Variants in TERF2 observed in about 807,000 individuals in gnomAD.
The protein encoded by TERF2 is telomeric repeat binding factor 2.
TERF2 carries 16 observed loss-of-function variants against 56.1 expected under a neutral mutation model. That is an observed-to-expected ratio of 0.29 (90% CI 0.19 to 0.43). TERF2 has a LOEUF of 0.43. Among genes scored for constraint, TERF2 ranks in the 20% least tolerant of loss-of-function variants. The probability of loss-of-function intolerance (pLI) is 1.00; values close to 1 mark genes in which losing one functional copy is unlikely to be tolerated. For synonymous variants in TERF2, 296 were observed against 282.1 expected (o/e 1.05, Z -0.50); for missense variants, 547 against 712.9 (o/e 0.77, Z 2.65).
At chr16:69,381,110 A>T (rs1174950640) in intron 3 of TERF2, among the ~76,000 whole-genome samples, 1 of 152,156 alleles carries the variant, frequency 6.6e-6, no homozygotes, top group Non-Finnish European at 1.5e-5. Flanking sequence ...CAGCCTAAAA[A>T]ATATTTTTTA....
rs187336718 is a variant in TERF2 at position 69,364,805 on chromosome 16, G to T, written c.1340+2002C>A. 2.8e-3 allele frequency among the ~76,000 whole-genome samples: 429 copies of T among 152,262 alleles called. 2 individuals are homozygous for T. The highest frequency in any genetic ancestry group is 9.9e-3 in the African/African-American group (411 of 41,544). On this transcript the variant is annotated intron_variant, in intron 7 of 9. Coordinates refer to ENST00000254942, the MANE Select transcript of TERF2 (RefSeq NM_005652.5). ...GCTTTTCTTCCCATAAGTGGCCAGG[G>T]CACCTCACACATACTTCTTTAGAGC...
intron 2 of TERF2, 147 bp downstream of exon 2, chr16:69,385,244 C>G: frequency 1.5e-6 from 1 of 673,464 alleles, no homozygotes; most frequent in Non-Finnish European, 2.5e-6. Context: ...GCCAGTCGAG[C>G]CAGAAAACAG....
Position 69,385,612 on chromosome 16 carries a change from C to T in TERF2, c.360G>A (p.Gln120=). ...CCTCACCCTGCATGATGTCCCGGATCTGTCTGAAGTCCCCGTACCGGCTAC... is the reference window on the plus strand; with the variant it reads ...CCTCACCCTGCATGATGTCCCGGATTTGTCTGAAGTCCCCGTACCGGCTAC... The part of the protein sequence containing the change: ...FRGSRYGDFR[Q]IRDIMQALLV... The change falls in exon 1 of 10, where the codon CAG becomes CAA. Residue 120 remains glutamine (Q), a synonymous_variant. Coordinates refer to ENST00000254942, the MANE Select transcript of TERF2 (RefSeq NM_005652.5). 2 of 1,599,862 alleles carry T rather than the reference C, an allele frequency of 1.3e-6. No homozygotes were observed. The highest frequency in any genetic ancestry group is 1.7e-6 in the Non-Finnish European group (2 of 1,172,904).
At position 69,370,629 on chromosome 16, in the gene TERF2, T is replaced by C. The variant is rs770784169; in HGVS notation, c.694A>G (p.Lys232Glu). 6.2e-6 allele frequency: 10 copies of C among 1,605,778 alleles called. No individual in the cohort carries two copies. Among genetic ancestry groups the C allele is most frequent in the Non-Finnish European group, 8.5e-6 (10 of 1,176,166 alleles). ...KHMSKDPTTQ[K>E]LRNDLLNIIR... ...ATATTCAGGAGATCATTTCTCAGCT[T>C]CTACACAATGGACCGATATTTGCAA... The change falls in exon 5 of 10, where the codon AAG (lysine) becomes GAG (glutamate). Residue 232 changes from lysine (K) to glutamate (E), a missense_variant and splice_region_variant. By Grantham distance (56) the Lys-to-Glu change is moderately conservative (BLOSUM62 1). Coordinates refer to ENST00000254942, the MANE Select transcript of TERF2 (RefSeq NM_005652.5).
At chr16:69,368,647 A>T in intron 5 of TERF2, 165 bp from the exon 6 acceptor site, 1 of 1,516,744 alleles carries the variant, frequency 6.6e-7, no homozygotes, top group Non-Finnish European at 8.8e-7. Context: ...AAGACTTATA[A>T]ATCAAGCTTT....
At chr16:69,364,755 C>A (rs1225132058) in intron 7 of TERF2, among the ~76,000 whole-genome samples, 1 of 152,168 alleles carries the variant, frequency 6.6e-6, no homozygotes, top group Non-Finnish European at 1.5e-5. Flanking sequence ...ATCTGAGCCA[C>A]CTAAAACCTT....
chr16:69,363,328 C>G (rs1229335239), intron 7 of TERF2, among the ~76,000 whole-genome samples: 3 of 152,158 alleles, frequency 2.0e-5, no homozygotes, highest in African/African-American at 7.2e-5. Flanking sequence ...CACAGGTCAC[C>G]TTCTCCCTGT....
chr16:69,363,028 T>C (rs181294154), intron 7 of TERF2, among the ~76,000 whole-genome samples: 1 of 152,236 alleles, frequency 6.6e-6, no homozygotes, highest in Non-Finnish European at 1.5e-5. Flanking sequence ...CTTAACTAAG[T>C]GGCTGAGACA....
intron 6 of TERF2, 90 bp downstream of exon 6, chr16:69,368,278 CGGAGTGCT>C (rs1391221274): frequency 5.5e-6 from 6 of 1,089,316 alleles, no homozygotes; most frequent in Non-Finnish European, 8.2e-6. Flanking sequence ...GTTAGTAGGT[CGGAGTGCT>C]GAGAGGAACT....
At chr16:69,364,838 C>G (rs2013279180) in intron 7 of TERF2, 1 of 152,202 alleles carries the variant, frequency 6.6e-6, no homozygotes, top group Admixed American at 6.6e-5. Context: ...AGCAGGGACA[C>G]TGACCCTTTT....
intron 8 of TERF2, among the ~76,000 whole-genome samples, chr16:69,359,990 T>G (rs1387689610): frequency 1.3e-5 from 2 of 151,950 alleles, no homozygotes; most frequent in Non-Finnish European, 2.9e-5. Context: ...CTCCAACCCC[T>G]GAGTTCAAGG....
At chr16:69,367,327 T>G (rs1232044496) in intron 6 of TERF2, 128 bp from the exon 7 acceptor site, 1 of 986,480 alleles carries the variant, frequency 1.0e-6, no homozygotes, top group African/African-American at 1.6e-5. Context: ...ATATGTAAGT[T>G]GTATTATGAA....
At chr16:69,372,487 G>A in intron 3 of TERF2, 132 bp from the exon 4 acceptor site, 1 of 588,258 alleles carries the variant, frequency 1.7e-6, no homozygotes. Flanking sequence ...ATAAAGCCAG[G>A]CGCGGTGGCT....
chr16:69,385,523 G>A (rs1257895367), intron 1 of TERF2, 37 bp from the exon 2 acceptor site: 2 of 1,612,324 alleles, frequency 1.2e-6, no homozygotes, highest in Non-Finnish European at 1.7e-6. Context: ...GCGACCCCCA[G>A]TCCCGACTCC....
chr16:69,385,867 C>T lies in TERF2; in HGVS notation c.105G>A (p.Glu35=). The T allele has an allele frequency of 7.3e-7, 1 of 1,370,862 alleles. No homozygotes were observed. The highest frequency in any genetic ancestry group is 9.4e-7 in the Non-Finnish European group (1 of 1,059,962). 84.9% of individuals were successfully genotyped at this position (1,370,862 alleles called of 1,614,324 possible). A position where few individuals can be genotyped will look rare whatever the true frequency, so the allele number is the denominator to read the frequency against. The change falls in exon 1 of 10, where the codon GAG becomes GAA. Residue 35 remains glutamate (E), a synonymous_variant. Transcript: ENST00000254942. ...PRKRPGREGG[E]GARRSDTMAG... is the part of the protein sequence containing the mutation. ...CCATCGTGTCCGATCGCCGCGCGCC[C>T]TCCCCGCCCTCCCGGCCGGGCCGCT...
chr16:69,366,979 A>G lies in TERF2; in HGVS notation c.1168T>C (p.Ser390Pro), dbSNP rs1044248502. Residue 390 changes from serine to proline, a missense_variant, in exon 7 of 10, where the codon TCG becomes CCG. This residue lies in a region of TERF2 where 211 missense variants were observed against 236.8 expected (regional missense o/e 0.89). Coordinates refer to ENST00000254942, the MANE Select transcript of TERF2 (RefSeq NM_005652.5). ...SSAPADGEGG[S>P]ELQPKNKRMT... is the part of the protein sequence containing the mutation. ...CGCTTGTTCTTGGGCTGCAGTTCCGAGCCACCCTCACCGTCAGCCGGGGCT... is the reference window on the plus strand; with the variant it reads ...CGCTTGTTCTTGGGCTGCAGTTCCGGGCCACCCTCACCGTCAGCCGGGGCT... The G allele has an allele frequency of 6.2e-6, 10 of 1,614,048 alleles. No homozygotes were observed. The Admixed American group carries it at 1.0e-4, about 16-fold the overall frequency.
At chr16:69,370,712 T>A in intron 4 of TERF2, 83 bp from the exon 5 acceptor site, 1 of 1,371,924 alleles carries the variant, frequency 7.3e-7, no homozygotes, top group African/African-American at 1.4e-5. Context: ...ACAGACACTA[T>A]GAGAACTTCT....
At chr16:69,376,809 A>G (rs1280379659) in intron 3 of TERF2, among the ~76,000 whole-genome samples, 1 of 147,472 alleles carries the variant, frequency 6.8e-6, no homozygotes, top group Admixed American at 6.8e-5. Flanking sequence ...GCAGTGAGCC[A>G]TGATTATGCC....
chr16:69,375,638 T>C (rs1384631536), intron 3 of TERF2, among the ~76,000 whole-genome samples: 1 of 152,128 alleles, frequency 6.6e-6, no homozygotes, highest in Non-Finnish European at 1.5e-5. Flanking sequence ...TAATTTTTCT[T>C]GAGATAGGGT....
Sources: gnomAD v4.1 joint callset for allele counts (sites outside exome capture counted in the v4.1 genomes callset) on GRCh38, gnomAD v4.1.1 for gene constraint, gnomAD v4.1.1 regional missense constraint, MANE v1.5 for transcripts, NCBI Gene and HGNC (gene_info 2026-07-23, HGNC 2026-07-21) for gene names.